B3GALT1: variants seen among roughly 807,000 people sequenced by gnomAD.
B3GALT1 encodes UDP-Gal:betaGlcNAc beta 1,3-galactosyltransferase, polypeptide 1.
B3GALT1 carries 10 observed loss-of-function variants against 23.2 expected under a neutral mutation model. That is an observed-to-expected ratio of 0.43 (90% CI 0.27 to 0.73). B3GALT1 has a LOEUF of 0.73. Ranked by LOEUF, B3GALT1 falls within the 30% of genes least tolerant of loss-of-function variation. B3GALT1 has a pLI of 0.21. For missense variants in B3GALT1, 299 were observed against 405.4 expected (o/e 0.74, Z 2.25); for synonymous variants, 156 against 141.5 (o/e 1.10, Z -0.73).
chr2:167,400,097 A>G (rs1698162704), intron 1 of B3GALT1, among the ~76,000 whole-genome samples: 1 of 151,378 alleles, frequency 6.6e-6, no homozygotes, highest in Admixed American at 6.6e-5. Context: ...TCTATTACAA[A>G]TGATCTGATT....
intron 3 of B3GALT1, among the ~76,000 whole-genome samples, chr2:167,774,472 GTTTTT>G (rs796649898): frequency 8.9e-6 from 1 of 111,932 alleles, no homozygotes; most frequent in Non-Finnish European, 1.8e-5. Context: ...GTGTTTATTG[GTTTTT>G]TTTTTTTGTT....
chr2:167,304,463 A>G (rs1458198108), intron 1 of B3GALT1, among the ~76,000 whole-genome samples: 1 of 152,126 alleles, frequency 6.6e-6, no homozygotes, highest in East Asian at 1.9e-4. Context: ...TAGCACCAAT[A>G]AATCTAATCA....
At chr2:167,375,241 G>C (rs772760173) in intron 1 of B3GALT1, among the ~76,000 whole-genome samples, 2 of 152,108 alleles carry the variant, frequency 1.3e-5, no homozygotes, top group Non-Finnish European at 2.9e-5. Context: ...GGTTACTGTC[G>C]ACTTATAGTA....
chr2:167,521,410 G>A (rs1700186182), intron 2 of B3GALT1, among the ~76,000 whole-genome samples: 1 of 151,922 alleles, frequency 6.6e-6, no homozygotes. Context: ...TTTTCTATCA[G>A]TTTTTTTAAA....
At chr2:167,360,071 A>G (rs1327055418) in intron 1 of B3GALT1, among the ~76,000 whole-genome samples, 1 of 152,192 alleles carries the variant, frequency 6.6e-6, no homozygotes, top group African/African-American at 2.4e-5. Context: ...GAAAACATCC[A>G]GACAGTTATT....
chr2:167,396,580 T>C (rs1354916303), intron 1 of B3GALT1, among the ~76,000 whole-genome samples: 1 of 149,958 alleles, frequency 6.7e-6, no homozygotes, highest in Non-Finnish European at 1.5e-5. Context: ...TTTTAAACAT[T>C]TGGATGGAAA....
intron 1 of B3GALT1, among the ~76,000 whole-genome samples, chr2:167,383,313 C>T (rs183997659): frequency 8.9e-4 from 135 of 151,630 alleles, no homozygotes; most frequent in African/African-American, 3.1e-3. Context: ...AATAGTTATT[C>T]AAGAAAGGAG....
At chr2:167,729,403 A>T (rs930404676) in intron 3 of B3GALT1, among the ~76,000 whole-genome samples, 27 of 152,302 alleles carry the variant, frequency 1.8e-4, no homozygotes, top group African/African-American at 6.0e-4. Flanking sequence ...GATGTCAAGG[A>T]ATTAGAGAAG....
At chr2:167,343,142 T>C (rs1304632412) in intron 1 of B3GALT1, among the ~76,000 whole-genome samples, 1 of 152,168 alleles carries the variant, frequency 6.6e-6, no homozygotes. Flanking sequence ...ATCTTAACAC[T>C]TTAAGTGGGA....
intron 1 of B3GALT1, among the ~76,000 whole-genome samples, chr2:167,387,033 T>TTCATG (rs1222910594): frequency 1.4e-5 from 2 of 147,590 alleles, no homozygotes; most frequent in African/African-American, 5.3e-5. Flanking sequence ...ATCATATCAT[T>TTCATG]TCATGGGTAA....
chr2:167,360,991 G>A (rs543800226), intron 1 of B3GALT1, among the ~76,000 whole-genome samples: 6 of 152,016 alleles, frequency 3.9e-5, no homozygotes, highest in South Asian at 2.1e-4. Context: ...TTCACTTAAC[G>A]TAATGGCTTC....
chr2:167,462,235 T>A (rs1054831492), intron 1 of B3GALT1, among the ~76,000 whole-genome samples: 1 of 152,188 alleles, frequency 6.6e-6, no homozygotes, highest in Non-Finnish European at 1.5e-5. Flanking sequence ...TAATTGAATC[T>A]TTAATAATGG....
intron 2 of B3GALT1, among the ~76,000 whole-genome samples, chr2:167,516,328 A>G (rs1700099753): frequency 6.6e-6 from 1 of 152,134 alleles, no homozygotes; most frequent in Non-Finnish European, 1.5e-5. Flanking sequence ...ACTTCTGCCT[A>G]AGCGAGTTCT....
chr2:167,461,199 G>T (rs1218534558), intron 1 of B3GALT1, among the ~76,000 whole-genome samples: 1 of 152,184 alleles, frequency 6.6e-6, no homozygotes, highest in East Asian at 1.9e-4. Context: ...GGCCCCACAA[G>T]CCATGTACCA....
intron 1 of B3GALT1, among the ~76,000 whole-genome samples, chr2:167,403,951 A>G (rs1698234230): frequency 6.6e-6 from 1 of 152,174 alleles, no homozygotes; most frequent in South Asian, 2.1e-4. Flanking sequence ...TTTCAGGTCA[A>G]TATAAGAAAG....
chr2:167,394,016 T>C (rs550825218), intron 1 of B3GALT1, among the ~76,000 whole-genome samples: 1 of 152,360 alleles, frequency 6.6e-6, no homozygotes, highest in East Asian at 1.9e-4. Flanking sequence ...CGTCTCAATT[T>C]TGTTCCAGTT....
Position 167,562,141 on chromosome 2 carries a change from G to C in B3GALT1, c.-410+71864G>C, listed in dbSNP as rs562780542. On this transcript the variant is annotated intron_variant, in intron 2 of 4. Coordinates refer to ENST00000392690, the MANE Select transcript of B3GALT1 (RefSeq NM_020981.4). ...GTGGGCTTCATCCCTGGGATGCAAGGCTGGTTCAATATATGCAAATCAATA... is the reference window on the plus strand; with the variant it reads ...GTGGGCTTCATCCCTGGGATGCAAGCCTGGTTCAATATATGCAAATCAATA... Among the ~76,000 whole-genome samples, 215 of 152,288 alleles carry C rather than the reference G, an allele frequency of 1.4e-3. No individual in the cohort carries two copies. In the Middle Eastern group the frequency reaches 0.02, roughly 14 times the overall value.
At chr2:167,502,523 G>C (rs1386566188) in intron 2 of B3GALT1, among the ~76,000 whole-genome samples, 2 of 151,974 alleles carry the variant, frequency 1.3e-5, no homozygotes, top group Non-Finnish European at 1.5e-5. Context: ...CATAGCTGGG[G>C]AGGCCTCAGA....
At chr2:167,387,085 C>A (rs1280626694) in intron 1 of B3GALT1, among the ~76,000 whole-genome samples, 1 of 151,938 alleles carries the variant, frequency 6.6e-6, no homozygotes, top group African/African-American at 2.4e-5. Context: ...AGGGAGTCTT[C>A]ATTGCTGGTC....
Sources: gnomAD v4.1 joint callset for allele counts (sites outside exome capture counted in the v4.1 genomes callset) on GRCh38, gnomAD v4.1.1 for gene constraint, MANE v1.5 for transcripts, NCBI Gene and HGNC (gene_info 2026-07-23, HGNC 2026-07-21) for gene names.